TRMT6: variants seen among roughly 807,000 people sequenced by gnomAD.
The protein encoded by TRMT6 is tRNA (adenine(58)-N(1))-methyltransferase non-catalytic subunit TRM6.
In TRMT6, 34 loss-of-function variants were observed where a neutral mutation model predicts 59.0. That is an observed-to-expected ratio of 0.58 (90% CI 0.44 to 0.77). The LOEUF (loss-of-function observed/expected upper bound fraction) is 0.77, where lower values mean the gene tolerates loss of function less well. Ranked by LOEUF, TRMT6 falls within the 30% of genes least tolerant of loss-of-function variation. TRMT6 has a pLI of 0.00. For synonymous variants in TRMT6, 217 were observed against 210.5 expected (o/e 1.03, Z -0.27); for missense variants, 575 against 604.5 (o/e 0.95, Z 0.51).
At chr20:5,949,895 G>A (rs1373327311) in intron 1 of TRMT6, among the ~76,000 whole-genome samples, 4 of 151,244 alleles carry the variant, frequency 2.6e-5, no homozygotes, top group Non-Finnish European at 5.9e-5. Context: ...AGATCCCAAG[G>A]TCCTAGGGAA....
At position 5,942,726 on chromosome 20, in the gene TRMT6, C is replaced by A. The variant is rs1220055129; in HGVS notation, c.728G>T (p.Cys243Phe). The part of the protein sequence containing the change: ...GGGPVRAATA[C>F]FGFPKSFLSG... ...GAGAAAAGATTTGGGAAATCCAAAA[C>A]ATGCTGTTGCTGCCCGAACAGGTCC... The change falls in exon 7 of 11, where the codon TGT becomes TTT. Residue 243 changes from cysteine to phenylalanine, a missense_variant. By Grantham distance (205) the Cys-to-Phe change is radical (BLOSUM62 -2). Coordinates refer to ENST00000203001, the MANE Select transcript of TRMT6 (RefSeq NM_015939.5). 6.2e-7 allele frequency: 1 copy of A among 1,614,092 alleles called. No homozygotes were observed. The highest frequency in any genetic ancestry group is 1.1e-5 in the South Asian group (1 of 91,054).
rs376865603 is a variant in TRMT6 at position 5,938,731 on chromosome 20, T to G, written c.1303-5A>C. ...ATGACTTCGATCTGGCAAAACCTAA[T>G]CAAGACAGAAAAGACATTCATGCTT... On this transcript the variant is annotated splice_polypyrimidine_tract_variant and splice_region_variant and intron_variant, in intron 10 of 10. Transcript: ENST00000203001. 1 of 1,613,190 alleles carries G rather than the reference T, an allele frequency of 6.2e-7. No homozygotes were observed. Among genetic ancestry groups the G allele is most frequent in the African/African-American group, 1.3e-5 (1 of 74,880 alleles).
chr20:5,939,802 G>T (rs954303492), intron 10 of TRMT6, among the ~76,000 whole-genome samples: 6 of 151,970 alleles, frequency 3.9e-5, no homozygotes, highest in African/African-American at 1.4e-4. Flanking sequence ...CCTCCACAAA[G>T]GGCAGGGTTA....
chr20:5,949,524 C>T, intron 1 of TRMT6, among the ~76,000 whole-genome samples: 1 of 152,176 alleles, frequency 6.6e-6, no homozygotes, highest in East Asian at 1.9e-4. Flanking sequence ...CGATACTAGC[C>T]AGCAGGTGCA....
chr20:5,939,158 T>A (rs1246541829), intron 10 of TRMT6, among the ~76,000 whole-genome samples: 2 of 152,050 alleles, frequency 1.3e-5, no homozygotes, highest in Non-Finnish European at 2.9e-5. Flanking sequence ...CAAAGAAAAG[T>A]GTAGAAATTG....
At chr20:5,945,019 G>T in intron 2 of TRMT6, 105 bp from the exon 3 acceptor site, 1 of 844,582 alleles carries the variant, frequency 1.2e-6, no homozygotes, top group Non-Finnish European at 1.9e-6. Context: ...CTCAAGTCTG[G>T]CCTCCCAGCT....
chr20:5,940,183 C>G (rs1045447011), intron 10 of TRMT6, among the ~76,000 whole-genome samples: 10 of 152,194 alleles, frequency 6.6e-5, no homozygotes, highest in Non-Finnish European at 1.5e-4. Context: ...CCGCTCCTTG[C>G]CCAGGCATCA....
intron 6 of TRMT6, 103 bp downstream of exon 6, chr20:5,943,456 C>A: frequency 6.7e-7 from 1 of 1,482,438 alleles, no homozygotes; most frequent in Non-Finnish European, 9.2e-7. Flanking sequence ...ACTTTGTTAA[C>A]CCTGAAGTAA....
chr20:5,939,559 A>C (rs932503444), intron 10 of TRMT6, among the ~76,000 whole-genome samples: 28 of 151,962 alleles, frequency 1.8e-4, no homozygotes, highest in Admixed American at 1.6e-3. Flanking sequence ...CTAGAAACTG[A>C]AGCATGTTTC....
intron 1 of TRMT6, among the ~76,000 whole-genome samples, chr20:5,947,937 GC>G (rs1035762007): frequency 2.0e-5 from 3 of 152,120 alleles, no homozygotes; most frequent in Admixed American, 6.5e-5. Flanking sequence ...TGTAGTCCCA[GC>G]TACTTGGGAG....
chr20:5,939,138 C>T (rs1600221359), intron 10 of TRMT6, among the ~76,000 whole-genome samples: 2 of 152,128 alleles, frequency 1.3e-5, no homozygotes, highest in Non-Finnish European at 2.9e-5. Context: ...AATTTCTTCA[C>T]ATTACAATGC....
In TRMT6 at chr20:5,938,623, C is replaced by A; in HGVS notation, c.1406G>T (p.Ser469Ile). ...VAMDNLKADT[S>I]LKSNASTLES... ...TAAAGTGCTTGCATTAGATTTGAGG[C>A]TGGTGTCTGCTTTAAGGTTGTCCAT... Residue 469 changes from serine to isoleucine, a missense_variant, in exon 11 of 11, where the codon AGC (serine) becomes ATC (isoleucine). By Grantham distance (142) the Ser-to-Ile change is moderately radical. Coordinates refer to ENST00000203001, the MANE Select transcript of TRMT6 (RefSeq NM_015939.5). The A allele has an allele frequency of 6.2e-7, 1 of 1,614,172 alleles. No homozygotes were observed. Among genetic ancestry groups the A allele is most frequent in the South Asian group, 1.1e-5 (1 of 91,082 alleles).
At chr20:5,941,470 T>C in intron 8 of TRMT6, 125 bp from the exon 9 acceptor site, 1 of 720,576 alleles carries the variant, frequency 1.4e-6, no homozygotes, top group East Asian at 2.7e-5. Flanking sequence ...GATTTAAATA[T>C]AACATTCTAG....
chr20:5,942,240 T>C (rs1600223246), intron 7 of TRMT6, 188 bp downstream of exon 7: 2 of 730,086 alleles, frequency 2.7e-6, no homozygotes, highest in East Asian at 2.5e-5. Context: ...GCAACGCTTC[T>C]GTATCCTAAA....
rs747196417 is a variant in TRMT6, at chr20:5,946,436, G to A, written c.226C>T (p.Pro76Ser). 1 of 1,614,122 alleles carries A rather than the reference G, an allele frequency of 6.2e-7. No individual in the cohort carries two copies. Among genetic ancestry groups the A allele is most frequent in the Non-Finnish European group, 8.5e-7 (1 of 1,180,016 alleles). The stretch of plus-strand genomic sequence containing the variant: ...GTAGGCTCTTCCCTCTTCTTCTTGG[G>A]CTGTAGACTTCCTCCACTGGTCACT... ...FEVTSGGSLQPKKKREEPTAE... is the reference protein window; with the variant it reads ...FEVTSGGSLQSKKKREEPTAE... The change falls in exon 2 of 11, where the codon CCC (proline) becomes TCC (serine). Residue 76 changes from proline to serine, a missense_variant. Physicochemically the swap from Pro to Ser is moderately conservative, Grantham distance 74. Transcript: ENST00000203001.
intron 1 of TRMT6, among the ~76,000 whole-genome samples, chr20:5,948,555 G>A (rs546330603): frequency 4.5e-4 from 68 of 152,242 alleles, no homozygotes; most frequent in African/African-American, 1.5e-3. Context: ...CACCACAAAA[G>A]GGGAAGGTCA....
intron 10 of TRMT6, among the ~76,000 whole-genome samples, chr20:5,939,719 C>T (rs573195694): frequency 3.9e-5 from 6 of 152,138 alleles, no homozygotes; most frequent in Non-Finnish European, 8.8e-5. Context: ...AACCTCCCTT[C>T]CCCGCTACCC....
chr20:5,940,804 T>C (rs967094664), intron 10 of TRMT6, among the ~76,000 whole-genome samples: 50 of 149,528 alleles, frequency 3.3e-4, no homozygotes, highest in African/African-American at 1.3e-3. Flanking sequence ...TTTTTGTAGA[T>C]ACAGGGTCAT....
At position 5,943,990 on chromosome 20, in the gene TRMT6, A is replaced by C; in HGVS notation, c.500T>G (p.Ile167Ser). Reference sequence around the variant, plus strand: ...TCTTGCATAATACATAATTGAAAGAATACGGGTGGATGGCTTCACAACAGT... The same window carrying C: ...TCTTGCATAATACATAATTGAAAGACTACGGGTGGATGGCTTCACAACAGT... ...IITVVKPSTRILSIMYYAREP... is the reference protein window; with the variant it reads ...IITVVKPSTRSLSIMYYAREP... The change falls in exon 5 of 11, where the codon ATT (isoleucine) becomes AGT (serine). Residue 167 changes from isoleucine to serine, a missense_variant. By Grantham distance (142) the Ile-to-Ser change is moderately radical (BLOSUM62 -2). Transcript: ENST00000203001. The C allele has an allele frequency of 6.2e-7, 1 of 1,610,854 alleles. No homozygotes were observed. Among genetic ancestry groups the C allele is most frequent in the Non-Finnish European group, 8.5e-7 (1 of 1,178,648 alleles).
Sources: gnomAD v4.1 joint callset for allele counts (sites outside exome capture counted in the v4.1 genomes callset) on GRCh38, gnomAD v4.1.1 for gene constraint, MANE v1.5 for transcripts, NCBI Gene and HGNC (gene_info 2026-07-23, HGNC 2026-07-21) for gene names.